The following ITGA9 variants were observed in gnomAD, a reference collection of about 807,000 sequenced individuals.
ITGA9 encodes integrin subunit alpha 9, also known as integrin alpha-9.
In ITGA9, 56 loss-of-function variants were observed where a neutral mutation model predicts 127.8. The ratio of observed to expected loss-of-function variants is 0.44; its 90% confidence interval spans 0.35 to 0.55. The LOEUF is 0.55. Ranked by LOEUF, ITGA9 falls within the 20% of genes least tolerant of loss-of-function variation. The probability of loss-of-function intolerance (pLI) is 0.00; values close to 1 mark genes in which losing one functional copy is unlikely to be tolerated. For synonymous variants in ITGA9, 508 were observed against 514.5 expected, an observed-to-expected ratio of 0.99 and a Z score of 0.17; for missense variants, 1,196 against 1,347.1, an observed-to-expected ratio of 0.89 and a Z score of 1.76.
chr3:37,783,146 A>C (rs538777942), intron 25 of ITGA9, among the ~76,000 whole-genome samples: 114 of 152,102 alleles, frequency 7.5e-4, no homozygotes, highest in Non-Finnish European at 1.3e-3. Context: ...CTCAAAAAAA[A>C]AAAATCACCG....
intron 14 of ITGA9, among the ~76,000 whole-genome samples, chr3:37,535,961 C>A (rs1345846544): frequency 1.3e-5 from 2 of 152,064 alleles, no homozygotes; most frequent in East Asian, 1.9e-4. Context: ...ATGGGCAGGC[C>A]TTATGGAAAT....
chr3:37,728,345 C>T (rs1030604514), intron 18 of ITGA9, among the ~76,000 whole-genome samples: 3 of 152,166 alleles, frequency 2.0e-5, no homozygotes, highest in African/African-American at 7.2e-5. Flanking sequence ...GCCATATCTC[C>T]CCAAAATTTG....
chr3:37,675,902 C>T (rs1700677244), intron 17 of ITGA9, among the ~76,000 whole-genome samples: 1 of 151,974 alleles, frequency 6.6e-6, no homozygotes, highest in African/African-American at 2.4e-5. Flanking sequence ...CACCACCACA[C>T]CCAGCTGATT....
At chr3:37,566,670 A>G (rs1480476057) in intron 15 of ITGA9, among the ~76,000 whole-genome samples, 1 of 152,198 alleles carries the variant, frequency 6.6e-6, no homozygotes, top group Non-Finnish European at 1.5e-5. Flanking sequence ...CAGAGGAGAA[A>G]GATCTAAACT....
intron 17 of ITGA9, among the ~76,000 whole-genome samples, chr3:37,681,596 A>T (rs1700735428): frequency 6.6e-6 from 1 of 152,212 alleles, no homozygotes; most frequent in Non-Finnish European, 1.5e-5. Flanking sequence ...GTGGCCAAAA[A>T]TAACAACTGT....
intron 3 of ITGA9, among the ~76,000 whole-genome samples, chr3:37,477,353 A>G (rs575937012): frequency 6.6e-6 from 1 of 152,224 alleles, no homozygotes; most frequent in East Asian, 1.9e-4. Context: ...CCTAAGAACA[A>G]ATGGAGAATT....
chr3:37,808,018 C>G (rs1697319324), intron 27 of ITGA9: 1 of 152,146 alleles, frequency 6.6e-6, no homozygotes, highest in Non-Finnish European at 1.5e-5. Context: ...CAAGGCTGGG[C>G]TTGCCTCACT....
chr3:37,513,648 C>G, intron 8 of ITGA9, 115 bp from the exon 9 acceptor site: 1 of 1,177,326 alleles, frequency 8.5e-7, no homozygotes, highest in Non-Finnish European at 1.2e-6. Flanking sequence ...CATGTGTTCT[C>G]ATTGTTCAAT....
chr3:37,590,015 G>A (rs1436843739), intron 15 of ITGA9, among the ~76,000 whole-genome samples: 9 of 152,056 alleles, frequency 5.9e-5, no homozygotes, highest in Admixed American at 3.9e-4. Context: ...ACCTGCAGCC[G>A]CCATCCCCTA....
chr3:37,766,769 T>C (rs1457815729), intron 23 of ITGA9, among the ~76,000 whole-genome samples: 1 of 152,224 alleles, frequency 6.6e-6, no homozygotes, highest in Middle Eastern at 3.2e-3. Context: ...TTCCAAAATA[T>C]TTCATTATCT....
At position 37,784,981 on chromosome 3, in the gene ITGA9, GT is replaced by G; in HGVS notation, c.2794del (p.Ser932ArgfsTer12). ...LLNTEILKKD[S>X]SSVIQFMSRA... ...GTTGTGTTGTTTCTTCCACAGGACA[GT>G]TCGTCTGTCATCCAGTTCATGTCCC... On this transcript the variant is annotated frameshift_variant, in exon 26 of 28. Transcript: ENST00000264741. LOFTEE classifies it high-confidence loss of function. 1 of 1,613,480 alleles carries G rather than the reference GT, an allele frequency of 6.2e-7. No homozygotes were observed. The highest frequency in any genetic ancestry group is 8.5e-7 in the Non-Finnish European group (1 of 1,179,392).
In ITGA9 at chr3:37,750,512, T is replaced by C. The variant is rs1230882184; in HGVS notation, c.2484T>C (p.Ser828=). 1 of 1,614,010 alleles carries C rather than the reference T, an allele frequency of 6.2e-7. No homozygotes were observed. Among genetic ancestry groups the C allele is most frequent in the East Asian group, 2.2e-5 (1 of 44,884 alleles). Residue 828 remains serine, a synonymous_variant, in exon 23 of 28, where the codon TCT becomes TCC. Transcript: ENST00000264741. The part of the protein sequence containing the change: ...STLPGSSVSI[S]FPNRLSSGGA... ...TTCCAGGGTCATCTGTCAGCATCTC[T>C]TTCCCTAATCGACTCTCATCTGGTG...
At chr3:37,511,275 G>T (rs574364814) in intron 8 of ITGA9, among the ~76,000 whole-genome samples, 1 of 152,198 alleles carries the variant, frequency 6.6e-6, no homozygotes, top group Non-Finnish European at 1.5e-5. Context: ...TCACCAACAT[G>T]TGTGCAGTTC....
intron 4 of ITGA9, among the ~76,000 whole-genome samples, chr3:37,481,990 A>G (rs1698560896): frequency 6.6e-6 from 1 of 152,196 alleles, no homozygotes; most frequent in Non-Finnish European, 1.5e-5. Context: ...TCTGGACCTC[A>G]GTTTCCTTGT....
chr3:37,582,725 G>C (rs757000379), intron 15 of ITGA9, among the ~76,000 whole-genome samples: 1 of 152,176 alleles, frequency 6.6e-6, no homozygotes, highest in Admixed American at 6.5e-5. Context: ...AGAAATAACA[G>C]TGTGACTTCT....
At chr3:37,512,034 TTCTTTCTTTCTTTC>T in intron 8 of ITGA9, among the ~76,000 whole-genome samples, 1 of 40,464 alleles carries the variant, frequency 2.5e-5, no homozygotes, top group African/African-American at 7.4e-5. Context: ...TTTTCTTTCT[TTCTTTCTTTCTTTC>T]TTTCTTTCTT....
At chr3:37,715,338 G>A (rs1701122936) in intron 18 of ITGA9, among the ~76,000 whole-genome samples, 1 of 152,140 alleles carries the variant, frequency 6.6e-6, no homozygotes, top group South Asian at 2.1e-4. Flanking sequence ...TTACAGGGAG[G>A]TACTTAAGGC....
At chr3:37,545,347 T>C (rs1699315860) in intron 15 of ITGA9, among the ~76,000 whole-genome samples, 1 of 152,246 alleles carries the variant, frequency 6.6e-6, no homozygotes, top group Non-Finnish European at 1.5e-5. Context: ...TTTTTCTTTT[T>C]TTCTTTAAGC....
chr3:37,770,254 C>A (rs1468388001), intron 23 of ITGA9, among the ~76,000 whole-genome samples: 3 of 152,158 alleles, frequency 2.0e-5, no homozygotes, highest in Non-Finnish European at 4.4e-5. Context: ...ATACTAATAG[C>A]ACCTAATATT....
Sources: gnomAD v4.1 joint callset for allele counts (sites outside exome capture counted in the v4.1 genomes callset) on GRCh38, gnomAD v4.1.1 for gene constraint, MANE v1.5 for transcripts, NCBI Gene and HGNC (gene_info 2026-07-23, HGNC 2026-07-21) for gene names.